KLHL3: variants seen among roughly 807,000 people sequenced by gnomAD.
KLHL3 encodes kelch like family member 3.
Under a neutral mutation model 70.5 loss-of-function variants are expected in KLHL3, and 19 were observed. The observed-to-expected ratio is 0.27, with a 90% confidence interval of 0.19 to 0.40. The LOEUF (loss-of-function observed/expected upper bound fraction) is 0.40, where lower values mean the gene tolerates loss of function less well. KLHL3 is among the 10% of genes least tolerant of loss of function. The pLI, the probability that KLHL3 is intolerant of heterozygous loss-of-function variation, is 1.00. For missense variants in KLHL3, 512 were observed against 771.1 expected (o/e 0.66, Z 3.98); for synonymous variants, 258 against 290.3 (o/e 0.89, Z 1.13).
chr5:137,707,689 T>C (rs1752712262), intron 3 of KLHL3: 1 of 154,480 alleles, frequency 6.5e-6, no homozygotes, highest in Middle Eastern at 5.2e-4. Flanking sequence ...CCAGGTTTAA[T>C]GGAAGGCTTG....
At chr5:137,640,735 C>T (rs1458859693) in intron 8 of KLHL3, among the ~76,000 whole-genome samples, 1 of 151,682 alleles carries the variant, frequency 6.6e-6, no homozygotes, top group Non-Finnish European at 1.5e-5. Flanking sequence ...GGCCAGCCAC[C>T]CCCCCCAACT....
rs899178501 is a variant in KLHL3 at position 137,652,596 on chromosome 5, C to T, written c.903+5535G>A. On this transcript the variant is annotated intron_variant, in intron 8 of 14. Coordinates refer to ENST00000309755, the MANE Select transcript of KLHL3 (RefSeq NM_017415.3). ...CAAATAACATACAATCTCACTCATA[C>T]GCGGAATCTAAAAAAGTTAAACTCA... Among the ~76,000 whole-genome samples the T allele has an allele frequency of 2.0e-5, 3 of 152,062 alleles. No individual in the cohort carries two copies. The East Asian group carries it at 5.8e-4, about 29-fold the overall frequency.
At chr5:137,725,078 C>T in intron 1 of KLHL3, 2 of 984,980 alleles carry the variant, frequency 2.0e-6, no homozygotes, top group Non-Finnish European at 2.4e-6. Context: ...ATCTTAACTA[C>T]TTAAACCTCA....
At chr5:137,657,992 G>A in intron 8 of KLHL3, 139 bp downstream of exon 8, 1 of 756,556 alleles carries the variant, frequency 1.3e-6, no homozygotes, top group Non-Finnish European at 2.2e-6. Flanking sequence ...AGAGGAACCA[G>A]CAGACTCCAT....
At chr5:137,731,777 T>C (rs1753177433) in intron 1 of KLHL3, among the ~76,000 whole-genome samples, 1 of 152,202 alleles carries the variant, frequency 6.6e-6, no homozygotes, top group African/African-American at 2.4e-5. Context: ...CTTTTTATGA[T>C]GCTTCTTCCA....
chr5:137,718,848 G>A (rs1752944766), intron 2 of KLHL3, among the ~76,000 whole-genome samples: 1 of 152,244 alleles, frequency 6.6e-6, no homozygotes, highest in African/African-American at 2.4e-5. Flanking sequence ...TAAAAATTGA[G>A]CAGTGGAGCA....
chr5:137,664,452 C>T (rs983644379), intron 6 of KLHL3, among the ~76,000 whole-genome samples: 7 of 151,784 alleles, frequency 4.6e-5, no homozygotes, highest in African/African-American at 9.7e-5. Flanking sequence ...AAAGGAATGA[C>T]GGAATTAGAA....
chr5:137,674,416 C>G (rs1044439548), intron 6 of KLHL3, among the ~76,000 whole-genome samples: 1 of 152,196 alleles, frequency 6.6e-6, no homozygotes, highest in Non-Finnish European at 1.5e-5. Flanking sequence ...AACTGAGCCC[C>G]TCTGACTGTA....
intron 1 of KLHL3, among the ~76,000 whole-genome samples, chr5:137,733,272 G>A (rs1045454031): frequency 5.3e-5 from 8 of 152,138 alleles, no homozygotes; most frequent in African/African-American, 1.9e-4. Context: ...TCAGTTACCC[G>A]TGCTAAGATA....
chr5:137,640,084 G>T, intron 8 of KLHL3, 107 bp from the exon 9 acceptor site: 2 of 904,776 alleles, frequency 2.2e-6, no homozygotes, highest in Non-Finnish European at 3.6e-6. Flanking sequence ...GATGATCTGA[G>T]ATGCCAGTTT....
chr5:137,732,357 C>T (rs1024181560), intron 1 of KLHL3, among the ~76,000 whole-genome samples: 2 of 151,880 alleles, frequency 1.3e-5, no homozygotes, highest in Admixed American at 6.6e-5. Context: ...TAGAAAGATA[C>T]AGCAAAGGCT....
At chr5:137,701,564 G>A (rs144819094) in intron 3 of KLHL3, among the ~76,000 whole-genome samples, 24 of 152,228 alleles carry the variant, frequency 1.6e-4, no homozygotes, top group African/African-American at 5.5e-4. Flanking sequence ...AGAACCAAGC[G>A]GCTTATCCTC....
intron 3 of KLHL3, among the ~76,000 whole-genome samples, chr5:137,699,328 T>A (rs991697230): frequency 2.0e-5 from 3 of 152,064 alleles, no homozygotes; most frequent in African/African-American, 7.2e-5. Context: ...GGCTGGTACA[T>A]GGAGTAACAG....
intron 5 of KLHL3, among the ~76,000 whole-genome samples, chr5:137,680,637 G>A (rs1752001104): frequency 6.6e-6 from 1 of 151,694 alleles, no homozygotes; most frequent in South Asian, 2.1e-4. Context: ...CTGCCTCCCG[G>A]GTTCAAGTGA....
At chr5:137,703,435 G>T (rs1752612097) in intron 3 of KLHL3, among the ~76,000 whole-genome samples, 1 of 152,198 alleles carries the variant, frequency 6.6e-6, no homozygotes, top group South Asian at 2.1e-4. Flanking sequence ...CCTCACAGGA[G>T]AAAAAGAAAT....
At chr5:137,630,588 G>A (rs1308880631) in intron 12 of KLHL3, among the ~76,000 whole-genome samples, 2 of 152,230 alleles carry the variant, frequency 1.3e-5, no homozygotes, top group Non-Finnish European at 2.9e-5. Context: ...TAGGGAGTAC[G>A]AAGACTCTAC....
At chr5:137,627,424 A>G (rs1750495205) in intron 13 of KLHL3, among the ~76,000 whole-genome samples, 1 of 150,786 alleles carries the variant, frequency 6.6e-6, no homozygotes, top group South Asian at 2.1e-4. Context: ...GCTTAAAGCC[A>G]AATGAGAACT....
chr5:137,662,355 T>C (rs1202749883), intron 6 of KLHL3, among the ~76,000 whole-genome samples: 1 of 151,982 alleles, frequency 6.6e-6, no homozygotes, highest in Non-Finnish European at 1.5e-5. Context: ...GTTCCAATAG[T>C]TTTTTAAGGG....
At chr5:137,644,660 G>GAATC (rs764013529) in intron 8 of KLHL3, among the ~76,000 whole-genome samples, 1 of 152,150 alleles carries the variant, frequency 6.6e-6, no homozygotes, top group Non-Finnish European at 1.5e-5. Flanking sequence ...CAACAAGATT[G>GAATC]AATCACTAAT....
Sources: gnomAD v4.1 joint callset for allele counts (sites outside exome capture counted in the v4.1 genomes callset) on GRCh38, gnomAD v4.1.1 for gene constraint, MANE v1.5 for transcripts, NCBI Gene and HGNC (gene_info 2026-07-23, HGNC 2026-07-21) for gene names.